Variants in TFB1M observed in about 807,000 individuals in gnomAD.
TFB1M encodes transcription factor B1, mitochondrial, also known as dimethyladenosine transferase 1, mitochondrial.
A neutral mutation model predicts 31.1 loss-of-function variants in TFB1M; 27 were observed. The ratio of observed to expected loss-of-function variants is 0.87; its 90% CI spans 0.64 to 1.20. TFB1M has a LOEUF of 1.20. TFB1M is among the 50% of genes most tolerant of loss of function. The pLI is 0.00. For synonymous variants in TFB1M, 166 were observed against 151.8 expected (o/e 1.09, Z -0.69); for missense variants, 394 against 418.7 (o/e 0.94, Z 0.51).
chr6:155,257,808 T>A lies in TFB1M; in HGVS notation c.*28A>T. 6.2e-7 allele frequency: 1 copy of A among 1,613,842 alleles called. No homozygotes were observed. Among genetic ancestry groups the A allele is most frequent in the South Asian group, 1.1e-5 (1 of 91,034 alleles). ...GCTCCACGTAGTGCAAATCGACATC[T>A]GGTAGGCTGCTCGCCCCCAGGCAGC... On this transcript the variant is annotated 3_prime_UTR_variant, in exon 7 of 7. Coordinates refer to ENST00000367166, the MANE Select transcript of TFB1M (RefSeq NM_016020.4).
chr6:155,303,478 G>A (rs938554548), intron 2 of TFB1M: 3 of 152,132 alleles, frequency 2.0e-5, no homozygotes, highest in Non-Finnish European at 4.4e-5. Flanking sequence ...CTTATACTTT[G>A]TATGGACTAA....
intron 2 of TFB1M, among the ~76,000 whole-genome samples, chr6:155,308,210 T>C (rs927712952): frequency 6.6e-6 from 1 of 152,114 alleles, no homozygotes; most frequent in African/African-American, 2.4e-5. Flanking sequence ...AATCAGAATG[T>C]GACAACATCA....
rs754628350 is a variant in TFB1M at position 155,276,235 on chromosome 6, G to A, written c.666+8923C>T. The A allele has an allele frequency of 4.1e-5, 66 of 1,614,104 alleles. 1 individual carries two copies. The South Asian group carries it at 7.2e-4, about 18-fold the overall frequency. On this transcript the variant is annotated intron_variant, in intron 5 of 6. Coordinates refer to ENST00000367166, the MANE Select transcript of TFB1M (RefSeq NM_016020.4). ...TCTATATCGGATTCATTTCTGCAAT[G>A]CTGTTGTTTATCTCTGGCATGATTT...
intron 2 of TFB1M, among the ~76,000 whole-genome samples, chr6:155,304,333 T>G (rs1474292686): frequency 6.6e-6 from 1 of 152,030 alleles, no homozygotes; most frequent in Non-Finnish European, 1.5e-5. Context: ...ATACAATGAC[T>G]TACTTTCTCT....
intron 5 of TFB1M, among the ~76,000 whole-genome samples, chr6:155,282,821 G>A (rs746550183): frequency 8.6e-5 from 13 of 151,518 alleles, no homozygotes; most frequent in African/African-American, 2.9e-4. Flanking sequence ...TCCGCCTCCC[G>A]GGTTCATGCC....
chr6:155,266,333 C>G lies in TFB1M; in HGVS notation c.667-5933G>C, dbSNP rs76847708. Among the ~76,000 whole-genome samples the G allele has an allele frequency of 7.3e-3, 1,104 of 152,264 alleles. 20 individuals carry two copies. The highest frequency in any genetic ancestry group is 0.025 in the African/African-American group (1,059 of 41,536). Reference sequence around the variant, plus strand: ...AGCCTCTTGGGGCTTTTCCAAAGCCCTCGTGTGGGCAGAAATGAGAATCAC... The same window carrying G: ...AGCCTCTTGGGGCTTTTCCAAAGCCGTCGTGTGGGCAGAAATGAGAATCAC... On this transcript the variant is annotated intron_variant, in intron 5 of 6. Coordinates refer to ENST00000367166, the MANE Select transcript of TFB1M (RefSeq NM_016020.4).
chr6:155,314,132 G>A, intron 1 of TFB1M, 164 bp downstream of exon 1: 1 of 1,485,936 alleles, frequency 6.7e-7, no homozygotes, highest in Non-Finnish European at 8.9e-7. Context: ...GTGTCTCCTG[G>A]GCGGTGGGAC....
downstream of TFB1M, chr6:155,253,039 T>G: frequency 2.5e-6 from 4 of 1,614,062 alleles, no homozygotes; most frequent in Non-Finnish European, 3.4e-6. Context: ...CAAGTCAGAC[T>G]GGGGAATCCA....
the TFB1M span, among the ~76,000 whole-genome samples, chr6:155,237,837 C>T: frequency 1.3e-5 from 2 of 152,206 alleles, no homozygotes; most frequent in African/African-American, 2.4e-5. Flanking sequence ...CCACTTTTTC[C>T]TCCTAGGCCT....
At chr6:155,256,054 G>A, downstream of TFB1M, 1 of 210,146 alleles carries the variant, frequency 4.8e-6, no homozygotes, top group Non-Finnish European at 9.5e-6. Context: ...TTTTAATTGA[G>A]CAGCAAGGGA....
At chr6:155,250,565 G>A in the TFB1M span, 1 of 1,536,018 alleles carries the variant, frequency 6.5e-7, no homozygotes, top group Non-Finnish European at 8.7e-7. Context: ...AGAGGTGATG[G>A]ATGTACTAGA....
intron 4 of TFB1M, among the ~76,000 whole-genome samples, 200 bp downstream of exon 4, chr6:155,296,753 C>T (rs1223880209): frequency 7.0e-6 from 1 of 143,002 alleles, no homozygotes; most frequent in African/African-American, 2.7e-5. Flanking sequence ...ATACATCATT[C>T]ATGTTTTCCC....
chr6:155,296,900 T>C, intron 4 of TFB1M, 53 bp downstream of exon 4: 1 of 1,508,102 alleles, frequency 6.6e-7, no homozygotes. Flanking sequence ...TATTATTATT[T>C]TGCTTTGGAA....
At position 155,286,188 on chromosome 6, in the gene TFB1M, C is replaced by A. The variant is rs536636772; in HGVS notation, c.547-911G>T. Among the ~76,000 whole-genome samples, 85 of 152,078 alleles carry A rather than the reference C, an allele frequency of 5.6e-4. No individual in the cohort carries two copies. The South Asian group carries it at 0.017, about 30-fold the overall frequency. ...AAGTGACACCGGTGTAATTAGATAT[C>A]CATAGGAGAAAACAGTAGGTCCTTA... On this transcript the variant is annotated intron_variant, in intron 4 of 6. Coordinates refer to ENST00000367166, the MANE Select transcript of TFB1M (RefSeq NM_016020.4).
chr6:155,250,504 C>A, the TFB1M span: 22 of 1,522,084 alleles, frequency 1.4e-5, no homozygotes, highest in Non-Finnish European at 1.8e-5. Flanking sequence ...GTCCTTCACT[C>A]TGGCCAGTTT....
the TFB1M span, among the ~76,000 whole-genome samples, chr6:155,249,642 A>T: frequency 6.6e-6 from 1 of 152,216 alleles, no homozygotes; most frequent in Non-Finnish European, 1.5e-5. Flanking sequence ...CATTTCAAAA[A>T]GAATTTGAAG....
downstream of TFB1M, chr6:155,252,776 T>G: frequency 1.7e-6 from 1 of 591,082 alleles, no homozygotes; most frequent in Non-Finnish European, 3.0e-6. Context: ...CCCTAGCATG[T>G]GAGGTCTTTG....
chr6:155,254,441 A>ATTG, downstream of TFB1M: 1 of 1,612,978 alleles, frequency 6.2e-7, no homozygotes, highest in Non-Finnish European at 8.5e-7. Flanking sequence ...CAAAACCAAC[A>ATTG]TTGTTAAGGT....
chr6:155,299,253 T>A (rs1037688466), intron 2 of TFB1M, among the ~76,000 whole-genome samples: 1 of 152,234 alleles, frequency 6.6e-6, no homozygotes, highest in African/African-American at 2.4e-5. Context: ...ATTTGCTTTC[T>A]TTCCTTTTCC....
Sources: gnomAD v4.1 joint callset for allele counts (sites outside exome capture counted in the v4.1 genomes callset) on GRCh38, gnomAD v4.1.1 for gene constraint, MANE v1.5 for transcripts, NCBI Gene and HGNC (gene_info 2026-07-23, HGNC 2026-07-21) for gene names.